Variants in MEIS2 observed in about 807,000 individuals in gnomAD.
MEIS2 encodes Meis homeobox 2, also known as homeobox protein Meis2.
Under a neutral mutation model 58.6 loss-of-function variants are expected in MEIS2, and 9 were observed. That is an observed-to-expected ratio of 0.15 (90% CI 0.09 to 0.27). MEIS2 has a LOEUF of 0.27. Among genes scored for constraint, MEIS2 ranks in the 10% least tolerant of loss-of-function variants. MEIS2 has a pLI of 1.00. For synonymous variants in MEIS2, 221 were observed against 228.4 expected, an observed-to-expected ratio of 0.97 and a Z score of 0.29; for missense variants, 427 against 635.0, an observed-to-expected ratio of 0.67 and a Z score of 3.52.
intron 8 of MEIS2, among the ~76,000 whole-genome samples, chr15:36,964,271 C>T (rs1389485813): frequency 6.6e-6 from 1 of 152,310 alleles, no homozygotes; most frequent in East Asian, 1.9e-4. Flanking sequence ...CCGTTCATTG[C>T]TGTATGTCCA....
intron 7 of MEIS2, chr15:37,066,558 T>C (rs1171913150): frequency 2.0e-5 from 3 of 152,112 alleles, no homozygotes; most frequent in Non-Finnish European, 4.4e-5. Context: ...CAAACAAAAA[T>C]TTATGTAAAA....
At chr15:37,076,282 T>C (rs1891407447) in intron 7 of MEIS2, among the ~76,000 whole-genome samples, 1 of 151,948 alleles carries the variant, frequency 6.6e-6, no homozygotes, top group Non-Finnish European at 1.5e-5. Flanking sequence ...TAACATGGCG[T>C]CATCACAGAC....
At chr15:36,999,253 A>G (rs2060638466) in intron 8 of MEIS2, among the ~76,000 whole-genome samples, 1 of 152,188 alleles carries the variant, frequency 6.6e-6, no homozygotes, top group Non-Finnish European at 1.5e-5. Flanking sequence ...ACTATATGCT[A>G]GGATCAGTGT....
rs940552476 is a variant in MEIS2 at position 36,917,025 on chromosome 15, G to A, written c.978-20339C>T. Among the ~76,000 whole-genome samples the A allele has an allele frequency of 9.9e-5, 15 of 152,252 alleles. No homozygotes were observed. The East Asian group carries it at 1.2e-3, about 12-fold the overall frequency. On this transcript the variant is annotated intron_variant, in intron 9 of 11. Transcript: ENST00000561208. ...CACATATGCGCACACACACATACAC[G>A]CATGCGTGCAAATGATTGGGGGCTA...
chr15:36,902,736 A>G (rs1567028825), intron 9 of MEIS2, among the ~76,000 whole-genome samples: 1 of 152,176 alleles, frequency 6.6e-6, no homozygotes, highest in African/African-American at 2.4e-5. Context: ...AAAAATGCAC[A>G]TACTCTTCTC....
At chr15:36,952,601 C>G (rs62002403) in intron 8 of MEIS2, among the ~76,000 whole-genome samples, 2,551 of 46,340 alleles carry the variant, frequency 0.055, 47 homozygotes, top group African/African-American at 0.11. Context: ...CTGTCTGTCT[C>G]TCTCTCTGTG....
intron 9 of MEIS2, among the ~76,000 whole-genome samples, chr15:36,916,295 C>T (rs866539456): frequency 9.9e-5 from 15 of 151,906 alleles, no homozygotes; most frequent in African/African-American, 3.1e-4. Flanking sequence ...GGCGTGGTGG[C>T]GGGCGCCTGC....
intron 7 of MEIS2, among the ~76,000 whole-genome samples, chr15:37,061,880 C>A (rs1473457737): frequency 6.6e-6 from 1 of 151,886 alleles, no homozygotes; most frequent in Admixed American, 6.6e-5. Flanking sequence ...AATAACTTTT[C>A]AAAAAATCTT....
At chr15:36,962,640 G>A (rs994520475) in intron 8 of MEIS2, among the ~76,000 whole-genome samples, 3 of 152,130 alleles carry the variant, frequency 2.0e-5, no homozygotes, top group African/African-American at 7.2e-5. Flanking sequence ...AGACATAAAG[G>A]TCCGACTGTA....
intron 9 of MEIS2, among the ~76,000 whole-genome samples, chr15:36,932,704 T>A (rs1260000171): frequency 6.6e-6 from 1 of 152,108 alleles, no homozygotes; most frequent in African/African-American, 2.4e-5. Context: ...TGTCTGTCTA[T>A]ATGTACATAT....
intron 7 of MEIS2, among the ~76,000 whole-genome samples, chr15:37,048,288 C>A (rs981405030): frequency 6.6e-6 from 1 of 152,054 alleles, no homozygotes; most frequent in African/African-American, 2.4e-5. Flanking sequence ...AACTTATTGT[C>A]TCTTTTATCA....
At chr15:37,042,091 C>T (rs1222856073) in intron 7 of MEIS2, among the ~76,000 whole-genome samples, 1 of 152,088 alleles carries the variant, frequency 6.6e-6, no homozygotes, top group African/African-American at 2.4e-5. Flanking sequence ...TTCGAGGCTG[C>T]AGTGGGCAGT....
At chr15:36,982,074 A>T (rs1305330710) in intron 8 of MEIS2, among the ~76,000 whole-genome samples, 1 of 152,106 alleles carries the variant, frequency 6.6e-6, no homozygotes, top group Non-Finnish European at 1.5e-5. Flanking sequence ...CAACTTGCAG[A>T]TGGTATATCA....
chr15:36,950,334 C>T lies in MEIS2; in HGVS notation c.967G>A (p.Val323Ile). The T allele has an allele frequency of 6.2e-7, 1 of 1,611,690 alleles. No individual in the cohort carries two copies. The highest frequency in any genetic ancestry group is 8.5e-7 in the Non-Finnish European group (1 of 1,178,488). Reference protein sequence around the residue: ...AQDTGLTILQVNNWFINARRR... With the variant: ...AQDTGLTILQINNWFINARRR... The stretch of plus-strand genomic sequence containing the variant: ...TTTTGGGTCACTCACCAGTTGTTTA[C>T]TTGGAGAATTGTAAGTCCTGTGTCT... Residue 323 changes from valine (V) to isoleucine (I), a missense_variant, in exon 9 of 12, where the codon GTA becomes ATA. Val to Ile is a conservative substitution (Grantham distance 29, BLOSUM62 3). Transcript: ENST00000561208.
intron 8 of MEIS2, among the ~76,000 whole-genome samples, chr15:37,035,278 C>A (rs1410775529): frequency 6.6e-6 from 1 of 152,178 alleles, no homozygotes; most frequent in Non-Finnish European, 1.5e-5. Flanking sequence ...GTTAGTAAAT[C>A]TCCAGCTGAG....
At chr15:37,086,929 A>T (rs1892962992) in intron 6 of MEIS2, among the ~76,000 whole-genome samples, 1 of 152,184 alleles carries the variant, frequency 6.6e-6, no homozygotes, top group Admixed American at 6.5e-5. Context: ...TTTCCCTGAG[A>T]TTAAAATATT....
chr15:36,960,064 T>C (rs1322013687), intron 8 of MEIS2, among the ~76,000 whole-genome samples: 3 of 152,134 alleles, frequency 2.0e-5, no homozygotes, highest in Non-Finnish European at 4.4e-5. Context: ...TAAGGAATTA[T>C]TAAGCAACAT....
At chr15:37,076,517 G>C (rs967214375) in intron 7 of MEIS2, among the ~76,000 whole-genome samples, 2 of 151,928 alleles carry the variant, frequency 1.3e-5, no homozygotes, top group African/African-American at 4.8e-5. Flanking sequence ...ACACAGCACT[G>C]ACTCTAGGGG....
intron 8 of MEIS2, among the ~76,000 whole-genome samples, chr15:36,980,849 T>C (rs1321214903): frequency 1.3e-5 from 2 of 152,340 alleles, no homozygotes; most frequent in Admixed American, 6.5e-5. Context: ...TCTGTTCCAC[T>C]GACAGGCACC....
Sources: gnomAD v4.1 joint callset for allele counts (sites outside exome capture counted in the v4.1 genomes callset) on GRCh38, gnomAD v4.1.1 for gene constraint, MANE v1.5 for transcripts, NCBI Gene and HGNC (gene_info 2026-07-23, HGNC 2026-07-21) for gene names.